MYH1: variants seen among roughly 807,000 people sequenced by gnomAD.
The protein encoded by MYH1 is myosin-1.
In MYH1, 214 loss-of-function variants were observed where a neutral mutation model predicts 225.6. The observed-to-expected ratio is 0.95, with a 90% CI of 0.85 to 1.06. The LOEUF (loss-of-function observed/expected upper bound fraction) is 1.06, where lower values mean the gene tolerates loss of function less well. Among genes scored for constraint, MYH1 ranks in the 50% least tolerant of loss-of-function variants. The pLI, the probability that MYH1 is intolerant of heterozygous loss-of-function variation, is 0.00. For missense variants in MYH1, 2,098 were observed against 2,344.2 expected (o/e 0.89, Z 2.17); for synonymous variants, 774 against 842.3 (o/e 0.92, Z 1.40).
At chr17:10,509,170 A>G (rs1293840565) in intron 15 of MYH1, among the ~76,000 whole-genome samples, 1 of 152,226 alleles carries the variant, frequency 6.6e-6, no homozygotes, top group Non-Finnish European at 1.5e-5. Context: ...CTTTGAATGC[A>G]GTAATAATGA....
Position 10,504,669 on chromosome 17 carries a change from T to C in MYH1, c.2691+141A>G. 3.0e-6 allele frequency: 3 copies of C among 1,003,376 alleles called. No homozygotes were observed. The South Asian group carries it at 5.3e-5, about 18-fold the overall frequency. 62.2% of individuals were successfully genotyped at this position (1,003,376 alleles called of 1,614,324 possible). A position where few individuals can be genotyped will look rare whatever the true frequency, so the allele number is the denominator to read the frequency against. On this transcript the variant is annotated intron_variant, in intron 22 of 39. Coordinates refer to ENST00000226207, the MANE Select transcript of MYH1 (RefSeq NM_005963.4). ...TTTTTAGTAATATTGTATAGGGAAT[T>C]CTATAGAACATTCTAAGGAGTTGTG...
At chr17:10,495,419 T>A in intron 35 of MYH1, 102 bp from the exon 36 acceptor site, 1 of 1,397,774 alleles carries the variant, frequency 7.2e-7, no homozygotes, top group Non-Finnish European at 9.9e-7. Context: ...ATGAATTCAT[T>A]AATATTCCTC....
chr17:10,494,977 A>C lies in MYH1; in HGVS notation c.5420T>G (p.Leu1807Arg), dbSNP rs1363758787. 9 of 1,614,076 alleles carry C rather than the reference A, an allele frequency of 5.6e-6. No homozygotes were observed. Among genetic ancestry groups the C allele is most frequent in the African/African-American group, 1.3e-5 (1 of 74,916 alleles). Reference sequence around the variant, plus strand: ...CTGCTTCTTCCCACCCTTCAGGGCCAGCTGCTCAGCCTCATCCAGACGATG... The same window carrying C: ...CTGCTTCTTCCCACCCTTCAGGGCCCGCTGCTCAGCCTCATCCAGACGATG... ...LQHRLDEAEQ[L>R]ALKGGKKQIQ... The change falls in exon 37 of 40, where the codon CTG becomes CGG. Residue 1807 changes from leucine to arginine, a missense_variant. Leu to Arg is a moderately radical substitution (Grantham distance 102). Transcript: ENST00000226207.
At position 10,507,925 on chromosome 17, in the gene MYH1, C is replaced by G; in HGVS notation, c.1929G>C (p.Lys643Asn). ...ACACAGTCTGGAAAGAAGAACCCTT[C>G]TTCTTACCACCTTTCTTTCCACCGC... Reference protein sequence around the residue: ...EAGGGKKGGKKKGSSFQTVSA... With the variant: ...EAGGGKKGGKNKGSSFQTVSA... The change falls in exon 17 of 40, where the codon AAG becomes AAC. Residue 643 changes from lysine (K) to asparagine (N), a missense_variant. Physicochemically the swap from Lys to Asn is moderately conservative, Grantham distance 94 (BLOSUM62 0). Transcript: ENST00000226207. 1 of 1,613,814 alleles carries G rather than the reference C, an allele frequency of 6.2e-7. No individual in the cohort carries two copies. The highest frequency in any genetic ancestry group is 2.2e-5 in the East Asian group (1 of 44,870).
At chr17:10,508,758 G>A (rs2073142531) in intron 15 of MYH1, 86 bp from the exon 16 acceptor site, 1 of 1,507,446 alleles carries the variant, frequency 6.6e-7, no homozygotes, top group Admixed American at 2.1e-5. Flanking sequence ...TCCCATCTGA[G>A]TAAATTCATC....
At position 10,509,647 on chromosome 17, in the gene MYH1, G is replaced by A. The variant is rs769990805; in HGVS notation, c.1425C>T (p.Ser475=). The stretch of plus-strand genomic sequence containing the variant: ...TGAAGTTGATGCACAGCTGCTCCAG[G>A]CTGTTGAACTAAATGAGTTGAAAAT... ...IAGFEIFDFN[S]LEQLCINFTN... Residue 475 remains serine (S), a synonymous_variant, in exon 15 of 40, where the codon AGC becomes AGT. Transcript: ENST00000226207. The A allele has an allele frequency of 1.1e-5, 17 of 1,614,166 alleles. 1 individual carries two copies. In the South Asian group the frequency reaches 1.6e-4, roughly 16 times the overall value.
At chr17:10,508,207 C>T (rs1389916791) in intron 16 of MYH1, among the ~76,000 whole-genome samples, 156 bp downstream of exon 16, 6 of 151,754 alleles carry the variant, frequency 4.0e-5, no homozygotes, top group Non-Finnish European at 7.4e-5. Context: ...TTAGTAGAGA[C>T]GGGGTTTTGC....
chr17:10,508,974 C>G (rs1464593296), intron 15 of MYH1, among the ~76,000 whole-genome samples: 1 of 152,102 alleles, frequency 6.6e-6, no homozygotes, highest in Admixed American at 6.5e-5. Flanking sequence ...GTGTGACTTG[C>G]GAATTAGCTG....
intron 17 of MYH1, among the ~76,000 whole-genome samples, chr17:10,506,975 C>T (rs1597440100): frequency 6.6e-6 from 1 of 152,188 alleles, no homozygotes; most frequent in East Asian, 1.9e-4. Context: ...TAAAGTTTTC[C>T]ATCTTTTGAA....
In MYH1 at chr17:10,513,848, G is replaced by C. The variant is rs752669504; in HGVS notation, c.714C>G (p.Thr238=). 5.0e-6 allele frequency: 8 copies of C among 1,614,036 alleles called. 1 individual carries two copies. The highest frequency in any genetic ancestry group is 3.3e-4 in the Middle Eastern group (2 of 6,084). The change falls in exon 8 of 40, where the codon ACC becomes ACG. Residue 238 remains threonine, a synonymous_variant. Coordinates refer to ENST00000226207, the MANE Select transcript of MYH1 (RefSeq NM_005963.4). The stretch of plus-strand genomic sequence containing the variant: ...AGCGAGAGGAGTTGTCATTCCTCAC[G>C]GTCTTGGCGTTGCCAAAGGCCTCCA... The part of the protein sequence containing the change: ...PLLEAFGNAK[T]VRNDNSSRFG...
chr17:10,516,773 T>A, intron 2 of MYH1, 91 bp from the exon 3 acceptor site: 1 of 1,116,066 alleles, frequency 9.0e-7, no homozygotes, highest in Non-Finnish European at 1.3e-6. Flanking sequence ...ACTGACCAAT[T>A]GAGTGCTTAG....
intron 28 of MYH1, among the ~76,000 whole-genome samples, chr17:10,499,871 C>A (rs1230790724): frequency 6.6e-6 from 1 of 152,162 alleles, no homozygotes; most frequent in Non-Finnish European, 1.5e-5. Flanking sequence ...CTGCCTATTA[C>A]TTTAATAGCC....
rs146735354 is a variant in MYH1, at chr17:10,506,331, C to G, written c.1969-232G>C. On this transcript the variant is annotated intron_variant, in intron 17 of 39. Transcript: ENST00000226207. Reference sequence around the variant, plus strand: ...TACTTGCTGTTGAAGTGACTGTTCGCTGCTGTTTAATTTCCTAGTATATGT... The same window carrying G: ...TACTTGCTGTTGAAGTGACTGTTCGGTGCTGTTTAATTTCCTAGTATATGT... Among the ~76,000 whole-genome samples the G allele has an allele frequency of 5.5e-3, 839 of 152,216 alleles. 8 individuals are homozygous for G. Among genetic ancestry groups the G allele is most frequent in the African/African-American group, 0.019 (805 of 41,534 alleles).
In MYH1 at chr17:10,496,486, A is replaced by G; in HGVS notation, c.4720T>C (p.Ser1574Pro). The part of the protein sequence containing the change: ...RIQLELNQVK[S>P]EVDRKIAEKD... ...TCAGCAATTTTCCTATCAACCTCAG[A>G]CTTGACTTGGTTCAACTCAAGCTGG... is the stretch of plus-strand genomic sequence containing the variant. The change falls in exon 34 of 40, where the codon TCT becomes CCT. Residue 1574 changes from serine (S) to proline (P), a missense_variant. Coordinates refer to ENST00000226207, the MANE Select transcript of MYH1 (RefSeq NM_005963.4). 6.2e-7 allele frequency: 1 copy of G among 1,613,934 alleles called. No homozygotes were observed.
intron 39 of MYH1, 117 bp from the exon 40 acceptor site, chr17:10,492,685 G>A (rs1291894068): frequency 9.0e-7 from 1 of 1,116,180 alleles, no homozygotes; most frequent in Non-Finnish European, 1.2e-6. Flanking sequence ...GATATTTTAA[G>A]AAACCTAGAG....
rs1468744203 is a variant in MYH1 at position 10,498,621 on chromosome 17, C to T, written c.4181+5G>A. On this transcript the variant is annotated splice_donor_5th_base_variant and intron_variant, in intron 30 of 39. Transcript: ENST00000226207. Reference sequence around the variant, plus strand: ...AGTTCCATTTTAACTAAGTCTGGAACATACTTGGCCTCCTCCAGCTCCTCT... The same window carrying T: ...AGTTCCATTTTAACTAAGTCTGGAATATACTTGGCCTCCTCCAGCTCCTCT... 1.2e-6 allele frequency: 2 copies of T among 1,613,946 alleles called. No individual in the cohort carries two copies. The highest frequency in any genetic ancestry group is 2.2e-5 in the East Asian group (1 of 44,888).
At position 10,496,426 on chromosome 17, in the gene MYH1, G is replaced by T. The variant is rs375353833; in HGVS notation, c.4780C>A (p.His1594Asn). The change falls in exon 34 of 40, where the codon CAC becomes AAC. Residue 1594 changes from histidine (H) to asparagine (N), a missense_variant. Physicochemically the swap from His to Asn is moderately conservative, Grantham distance 68 (BLOSUM62 1). Coordinates refer to ENST00000226207, the MANE Select transcript of MYH1 (RefSeq NM_005963.4). ...DEEIDQMKRN[H>N]IRIVESMQST... ...TGCATGGACTCCACGATTCTAATGT[G>T]GTTTCTCTTCATCTGGTCAATTTCC... 6.2e-5 allele frequency: 100 copies of T among 1,613,922 alleles called. 1 individual carries two copies. In the African/African-American group the frequency reaches 1.2e-3, roughly 20 times the overall value.
chr17:10,494,801 G>A (rs1474732231), intron 37 of MYH1, 128 bp from the exon 38 acceptor site: 1 of 1,585,962 alleles, frequency 6.3e-7, no homozygotes, highest in African/African-American at 1.4e-5. Flanking sequence ...TCCTTATTAT[G>A]AGCTTTTGGG....
At chr17:10,504,560 C>T (rs2073090242) in intron 22 of MYH1, among the ~76,000 whole-genome samples, 1 of 152,224 alleles carries the variant, frequency 6.6e-6, no homozygotes. Context: ...TTCCTGTTCA[C>T]ATTCTGCTGT....
Sources: allele counts gnomAD v4.1 joint callset (sites outside exome capture counted in the v4.1 genomes callset), GRCh38; gene constraint gnomAD v4.1.1; transcripts MANE v1.5; gene names NCBI Gene and HGNC (gene_info 2026-07-23, HGNC 2026-07-21).